The following COL4A5 variants were observed in gnomAD, a reference collection of about 807,000 sequenced individuals.
COL4A5 encodes the protein collagen type IV alpha 5 chain, also known as collagen alpha-5(IV) chain.
COL4A5 carries 26 observed loss-of-function variants against 130.2 expected under a neutral mutation model. The ratio of observed to expected loss-of-function variants is 0.20; its 90% confidence interval spans 0.15 to 0.28. The LOEUF is 0.28. Among genes scored for constraint, COL4A5 ranks in the 10% least tolerant of loss-of-function variants. The pLI, the probability that COL4A5 is intolerant of heterozygous loss-of-function variation, is 1.00. For synonymous variants in COL4A5, 496 were observed against 439.6 expected (o/e 1.13, Z -1.60); for missense variants, 1,131 against 1,344.3 (o/e 0.84, Z 2.48).
At chrX:108,600,119 G>T (rs966540109) in intron 25 of COL4A5, among the ~76,000 whole-genome samples, 1 of 111,820 alleles carries the variant, frequency 8.9e-6, no homozygotes, top group Non-Finnish European at 1.9e-5. Context: ...TGTGTTTATT[G>T]GTCATTTGAA....
intron 1 of COL4A5, among the ~76,000 whole-genome samples, chrX:108,535,735 G>A (rs1175980177): frequency 9.0e-6 from 1 of 111,269 alleles, no homozygotes; most frequent in Non-Finnish European, 1.9e-5. Flanking sequence ...TGTCCTCCGG[G>A]AAAAAGTAGT....
intron 36 of COL4A5, among the ~76,000 whole-genome samples, chrX:108,641,877 A>G (rs1317085134): frequency 8.9e-6 from 1 of 111,813 alleles, no homozygotes; most frequent in Non-Finnish European, 1.9e-5. Context: ...GAACCAGGCG[A>G]GAAGCCTCCT....
At chrX:108,669,599 A>G (rs2068156503) in intron 41 of COL4A5, among the ~76,000 whole-genome samples, 1 of 112,209 alleles carries the variant, frequency 8.9e-6, no homozygotes, top group South Asian at 3.7e-4. Flanking sequence ...ACTCTCTTGC[A>G]TGTAATGTAA....
In COL4A5 at chrX:108,597,700, A is replaced by G. The variant is rs1009208371; in HGVS notation, c.1779+132A>G. On this transcript the variant is annotated intron_variant, in intron 24 of 52. Transcript: ENST00000328300. ...AATGCTTAAAACAATGTGACCATAC[A>G]GTAATGGCACATTGTTACTGACTAC... 4 of 580,170 alleles carry G rather than the reference A, an allele frequency of 6.9e-6. No individual in the cohort carries two copies. In the African/African-American group the frequency reaches 9.0e-5, roughly 13 times the overall value. The allele number at this position is 580,170 out of a possible 1,213,427, so 47.8% of individuals were successfully genotyped here.
rs776122680 is a variant in COL4A5, at chrX:108,470,626, T to C, written c.81+30420T>C. ...TTACTGTGTTGATAGTTTCTTTTGC[T>C]GTGCAGAAGCTCTTTAGTTTAATGA... is the stretch of plus-strand genomic sequence containing the variant. On this transcript the variant is annotated intron_variant, in intron 1 of 52. Transcript: ENST00000328300. Among the ~76,000 whole-genome samples, 13 of 111,992 alleles carry C rather than the reference T, an allele frequency of 1.2e-4. No homozygotes were observed. In the East Asian group the frequency reaches 3.7e-3, roughly 32 times the overall value.
At chrX:108,457,854 T>C (rs1291083753) in intron 1 of COL4A5, among the ~76,000 whole-genome samples, 1 of 112,180 alleles carries the variant, frequency 8.9e-6, no homozygotes, top group Non-Finnish European at 1.9e-5. Context: ...AGTCTAGCTT[T>C]TTCCTCTTAG....
chrX:108,622,924 C>G (rs2067085415), intron 33 of COL4A5, 99 bp downstream of exon 33: 1 of 822,670 alleles, frequency 1.2e-6, no homozygotes, highest in South Asian at 2.7e-5. Flanking sequence ...AATTCACCAA[C>G]AAAGGCACTT....
intron 1 of COL4A5, among the ~76,000 whole-genome samples, chrX:108,515,694 T>C (rs1205729680): frequency 8.9e-6 from 1 of 111,867 alleles, no homozygotes; most frequent in Non-Finnish European, 1.9e-5. Context: ...CACTACTAGC[T>C]TTAATATTTG....
intron 49 of COL4A5, among the ~76,000 whole-genome samples, chrX:108,692,312 T>A (rs190987432): frequency 1.8e-5 from 2 of 111,055 alleles, no homozygotes; most frequent in East Asian, 5.7e-4. Context: ...ATTACTATTG[T>A]CCCTAGGCCT....
chrX:108,608,968 C>T (rs1178941836), intron 29 of COL4A5, among the ~76,000 whole-genome samples: 2 of 111,792 alleles, frequency 1.8e-5, no homozygotes, highest in South Asian at 3.7e-4. Flanking sequence ...GAGATCCATC[C>T]ATGTTGTTGT....
At chrX:108,473,571 G>T (rs752641406) in intron 1 of COL4A5, among the ~76,000 whole-genome samples, 41 of 89,901 alleles carry the variant, frequency 4.6e-4, no homozygotes, top group African/African-American at 1.5e-3. Context: ...TAGAAAAAAG[G>T]TTATAGAATA....
At chrX:108,486,311 A>G (rs1238290786) in intron 1 of COL4A5, among the ~76,000 whole-genome samples, 17 of 111,063 alleles carry the variant, frequency 1.5e-4, no homozygotes, top group Non-Finnish European at 3.2e-4. Context: ...TTTTATGAAG[A>G]TGGTTTTTTG....
intron 2 of COL4A5, among the ~76,000 whole-genome samples, chrX:108,544,008 G>T (rs1988704403): frequency 1.8e-5 from 2 of 111,945 alleles, no homozygotes; most frequent in Non-Finnish European, 3.8e-5. Flanking sequence ...GAGATTTTAG[G>T]CTGAGACGAT....
At chrX:108,460,341 T>G (rs2064630706) in intron 1 of COL4A5, among the ~76,000 whole-genome samples, 1 of 111,805 alleles carries the variant, frequency 8.9e-6, no homozygotes, top group Admixed American at 9.6e-5. Context: ...AGCTTTTCAA[T>G]GTCTGGCAAA....
At chrX:108,635,941 G>A (rs962073665) in intron 36 of COL4A5, among the ~76,000 whole-genome samples, 2 of 112,071 alleles carry the variant, frequency 1.8e-5, no homozygotes, top group African/African-American at 6.5e-5. Context: ...ATACACAGAT[G>A]CAAAGATGGG....
At chrX:108,521,418 CA>C (rs1217099980) in intron 1 of COL4A5, among the ~76,000 whole-genome samples, 2 of 110,524 alleles carry the variant, frequency 1.8e-5, no homozygotes, top group Non-Finnish European at 3.8e-5. Context: ...GAGGAAAGGC[CA>C]GGTTTGTCTA....
At chrX:108,620,496 TC>T in intron 31 of COL4A5, 70 bp downstream of exon 31, 1 of 907,683 alleles carries the variant, frequency 1.1e-6, no homozygotes, top group Non-Finnish European at 1.6e-6. Context: ...GGTAGATAAT[TC>T]CCATGTTACA....
chrX:108,689,382 G>A (rs2068608870), intron 49 of COL4A5: 19 of 750,176 alleles, frequency 2.5e-5, no homozygotes, highest in Non-Finnish European at 2.8e-5. Flanking sequence ...ACCATTATAA[G>A]TTTTGAGCAC....
intron 1 of COL4A5, among the ~76,000 whole-genome samples, chrX:108,537,206 G>A (rs187350805): frequency 1.8e-5 from 2 of 111,136 alleles, no homozygotes; most frequent in Admixed American, 9.6e-5. Flanking sequence ...TGTTATAACT[G>A]TATAGAAAGT....
Sources: gnomAD v4.1 joint callset for allele counts (sites outside exome capture counted in the v4.1 genomes callset) on GRCh38, gnomAD v4.1.1 for gene constraint, MANE v1.5 for transcripts, NCBI Gene and HGNC (gene_info 2026-07-23, HGNC 2026-07-21) for gene names.